The following CTNNA2 variants were observed in gnomAD, a reference collection of about 807,000 sequenced individuals.
CTNNA2 encodes catenin alpha-2.
Under a neutral mutation model 101.0 loss-of-function variants are expected in CTNNA2, and 42 were observed. The observed-to-expected ratio is 0.42, with a 90% CI of 0.32 to 0.54. CTNNA2 has a LOEUF of 0.54. Ranked by LOEUF, CTNNA2 falls within the 20% of genes least tolerant of loss-of-function variation. CTNNA2 has a pLI of 0.14. For synonymous variants in CTNNA2, 450 were observed against 456.4 expected, an observed-to-expected ratio of 0.99 and a Z score of 0.18; for missense variants, 871 against 1,223.1, an observed-to-expected ratio of 0.71 and a Z score of 4.29.
At chr2:79,638,409 A>G (rs764388108) in intron 1 of CTNNA2, among the ~76,000 whole-genome samples, 8 of 152,226 alleles carry the variant, frequency 5.3e-5, no homozygotes, top group Admixed American at 1.3e-4. Flanking sequence ...GCTTAATAAG[A>G]TGATTTACTA....
chr2:79,508,124 G>A (rs1301103925), upstream of CTNNA2, among the ~76,000 whole-genome samples: 4 of 152,120 alleles, frequency 2.6e-5, no homozygotes, highest in Admixed American at 2.0e-4. Context: ...ACAGTCATCT[G>A]TGACACAAAT....
intron 7 of CTNNA2, among the ~76,000 whole-genome samples, chr2:80,121,514 ATAGT>A (rs1701830472): frequency 6.6e-6 from 1 of 152,210 alleles, no homozygotes; most frequent in Admixed American, 6.5e-5. Flanking sequence ...GCAGTTTTCC[ATAGT>A]AAGTGCCTTA....
intron 11 of CTNNA2, among the ~76,000 whole-genome samples, chr2:80,549,659 T>A (rs1215771698): frequency 6.6e-6 from 1 of 152,210 alleles, no homozygotes; most frequent in Non-Finnish European, 1.5e-5. Flanking sequence ...ATTACTATTT[T>A]CATCTCTTTT....
At chr2:79,843,062 A>C (rs1167922589) in intron 3 of CTNNA2, among the ~76,000 whole-genome samples, 1 of 152,204 alleles carries the variant, frequency 6.6e-6, no homozygotes, top group African/African-American at 2.4e-5. Context: ...GGTTTGAGGA[A>C]TCTCAATTGT....
In CTNNA2 at chr2:79,282,503, C is replaced by A. The variant is rs532357219; in HGVS notation, c.-405-30206C>A. Among the ~76,000 whole-genome samples the A allele has an allele frequency of 3.9e-3, 593 of 151,584 alleles. 3 individuals are homozygous for A. Among genetic ancestry groups the A allele is most frequent in the African/African-American group, 0.013 (558 of 41,354 alleles). On this transcript the variant is annotated intron_variant, in intron 2 of 21. Coordinates refer to the CTNNA2 transcript ENST00000466387. ...ATTCCCACCTATGAGTGAGAATATGCGGTGTCTGGTTTTTTGTTCTTGCGA... is the reference window on the plus strand; with the variant it reads ...ATTCCCACCTATGAGTGAGAATATGAGGTGTCTGGTTTTTTGTTCTTGCGA...
chr2:80,558,732 G>A (rs760122817), intron 12 of CTNNA2, among the ~76,000 whole-genome samples: 1 of 152,056 alleles, frequency 6.6e-6, no homozygotes, highest in East Asian at 1.9e-4. Flanking sequence ...GAGGGTGGTA[G>A]TGGGAAAAAA....
At chr2:79,991,143 T>A (rs1333057114) in intron 7 of CTNNA2, among the ~76,000 whole-genome samples, 1 of 152,114 alleles carries the variant, frequency 6.6e-6, no homozygotes, top group Non-Finnish European at 1.5e-5. Context: ...TTTTTTATTG[T>A]GTCTATTTGA....
intron 9 of CTNNA2, among the ~76,000 whole-genome samples, chr2:80,542,736 C>G (rs777654512): frequency 3.9e-5 from 6 of 152,068 alleles, no homozygotes; most frequent in Non-Finnish European, 5.9e-5. Context: ...GGGGCAAAAA[C>G]AGCCATCATC....
At chr2:79,658,084 T>C (rs1681747735) in intron 2 of CTNNA2, among the ~76,000 whole-genome samples, 1 of 151,968 alleles carries the variant, frequency 6.6e-6, no homozygotes, top group South Asian at 2.1e-4. Flanking sequence ...AAGATATTTC[T>C]TTATAATTGA....
At chr2:79,395,004 G>A (rs1678214196) in intron 4 of CTNNA2, among the ~76,000 whole-genome samples, 1 of 152,116 alleles carries the variant, frequency 6.6e-6, no homozygotes, top group African/African-American at 2.4e-5. Flanking sequence ...TGGCAACAAT[G>A]ATGACAATGA....
At chr2:80,034,685 T>A (rs1695537187) in intron 7 of CTNNA2, among the ~76,000 whole-genome samples, 1 of 152,150 alleles carries the variant, frequency 6.6e-6, no homozygotes, top group African/African-American at 2.4e-5. Context: ...TAAATGCAAA[T>A]TTAAAATACA....
intron 7 of CTNNA2, among the ~76,000 whole-genome samples, chr2:80,168,154 C>T (rs911642885): frequency 1.3e-5 from 2 of 152,006 alleles, no homozygotes; most frequent in African/African-American, 4.8e-5. Context: ...GGGTGCAGTA[C>T]CAGAGGAAAG....
chr2:79,219,932 A>C (rs1674320044), intron 2 of CTNNA2, among the ~76,000 whole-genome samples: 1 of 152,158 alleles, frequency 6.6e-6, no homozygotes, highest in Admixed American at 6.5e-5. Flanking sequence ...GCTATTCGAA[A>C]GCGCTCTTTG....
chr2:80,147,464 G>C (rs1290735096), intron 7 of CTNNA2, among the ~76,000 whole-genome samples: 1 of 152,074 alleles, frequency 6.6e-6, no homozygotes, highest in Non-Finnish European at 1.5e-5. Context: ...GCTGTTGTTG[G>C]GAACTATGGT....
At chr2:80,438,078 T>A (rs758901751) in intron 9 of CTNNA2, among the ~76,000 whole-genome samples, 21 of 152,304 alleles carry the variant, frequency 1.4e-4, no homozygotes, top group South Asian at 8.3e-4. Flanking sequence ...GATTTTCTCA[T>A]GGCTCTGGAA....
At chr2:79,982,381 T>TATATAAC (rs1691422662) in intron 7 of CTNNA2, among the ~76,000 whole-genome samples, 2 of 135,130 alleles carry the variant, frequency 1.5e-5, no homozygotes, top group Non-Finnish European at 3.0e-5. Context: ...ATATAACATA[T>TATATAAC]ATAACATATA....
At chr2:80,455,472 G>A (rs2149463320) in intron 9 of CTNNA2, among the ~76,000 whole-genome samples, 1 of 152,278 alleles carries the variant, frequency 6.6e-6, no homozygotes, top group Non-Finnish European at 1.5e-5. Flanking sequence ...CATGAGTAGA[G>A]GAGAGGAATG....
At position 80,116,787 on chromosome 2, in the gene CTNNA2, A is replaced by G. The variant is rs1007491793; in HGVS notation, c.1056+206990A>G. ...AGGGTGAGTTTGATCAGCCCATCAGATAAGTTTTCTTGTGGGCATATTGAG... is the reference window on the plus strand; with the variant it reads ...AGGGTGAGTTTGATCAGCCCATCAGGTAAGTTTTCTTGTGGGCATATTGAG... On this transcript the variant is annotated intron_variant, in intron 7 of 18. Coordinates refer to ENST00000402739, the MANE Select transcript of CTNNA2 (RefSeq NM_001282597.3). 1.8e-4 allele frequency among the ~76,000 whole-genome samples: 28 copies of G among 152,150 alleles called. 1 individual carries two copies. Among genetic ancestry groups the G allele is most frequent in the Non-Finnish European group, 5.9e-5 (4 of 68,024 alleles).
intron 6 of CTNNA2, among the ~76,000 whole-genome samples, chr2:79,887,775 C>T (rs1352391708): frequency 6.6e-6 from 1 of 152,148 alleles, no homozygotes; most frequent in Non-Finnish European, 1.5e-5. Flanking sequence ...TTAGTGGGAA[C>T]CAGAAATCCT....
Sources: gnomAD v4.1 joint callset for allele counts (sites outside exome capture counted in the v4.1 genomes callset) on GRCh38, gnomAD v4.1.1 for gene constraint, MANE v1.5 for transcripts, NCBI Gene and HGNC (gene_info 2026-07-23, HGNC 2026-07-21) for gene names.